The following MCUB variants were observed in gnomAD, a reference collection of about 807,000 sequenced individuals.
MCUB encodes the protein mitochondrial calcium uniporter dominant negative subunit beta.
Under a neutral mutation model 41.4 loss-of-function variants are expected in MCUB, and 46 were observed. The ratio of observed to expected loss-of-function variants is 1.11; its 90% CI spans 0.88 to 1.42. The LOEUF (loss-of-function observed/expected upper bound fraction) is 1.42. Ranked by LOEUF, MCUB falls within the 40% of genes most tolerant of loss-of-function variation. The pLI, the probability that MCUB is intolerant of heterozygous loss-of-function variation, is 0.00. For missense variants in MCUB, 403 were observed against 404.9 expected, an observed-to-expected ratio of 1.00 and a Z score of 0.04; for synonymous variants, 148 against 148.2, an observed-to-expected ratio of 1.00 and a Z score of 0.01.
At chr4:109,583,266 A>C (rs907100342) in intron 1 of MCUB, among the ~76,000 whole-genome samples, 1 of 152,144 alleles carries the variant, frequency 6.6e-6, no homozygotes, top group Non-Finnish European at 1.5e-5. Flanking sequence ...TTGTCCTTGA[A>C]GAGGTCCTTC....
intron 1 of MCUB, among the ~76,000 whole-genome samples, chr4:109,620,596 TTA>T (rs1728231240): frequency 6.6e-6 from 1 of 151,558 alleles, no homozygotes; most frequent in Non-Finnish European, 1.5e-5. Flanking sequence ...AATGTATAAA[TTA>T]GCATTCAATT....
chr4:109,605,793 G>T (rs1016673807), intron 1 of MCUB, among the ~76,000 whole-genome samples: 5 of 152,012 alleles, frequency 3.3e-5, no homozygotes, highest in African/African-American at 1.2e-4. Flanking sequence ...TGACCTTCTT[G>T]TCTCTTATAG....
intron 1 of MCUB, among the ~76,000 whole-genome samples, chr4:109,585,196 A>G (rs2126127482): frequency 6.6e-6 from 1 of 152,300 alleles, no homozygotes; most frequent in South Asian, 2.1e-4. Flanking sequence ...CTTTACCATT[A>G]GGCAATGGCC....
intron 1 of MCUB, among the ~76,000 whole-genome samples, chr4:109,633,605 C>G (rs896988916): frequency 7.2e-5 from 11 of 152,194 alleles, no homozygotes; most frequent in Admixed American, 4.6e-4. Context: ...AAGTACATCA[C>G]TAAATATGCC....
intron 1 of MCUB, among the ~76,000 whole-genome samples, chr4:109,637,681 A>G (rs950326468): frequency 1.3e-5 from 2 of 152,226 alleles, no homozygotes; most frequent in African/African-American, 2.4e-5. Context: ...GTTCTCATTC[A>G]TAAGTGGGAG....
chr4:109,673,788 C>T (rs1729511028), intron 4 of MCUB: 1 of 627,224 alleles, frequency 1.6e-6, no homozygotes, highest in East Asian at 2.6e-5. Flanking sequence ...AGATCAGAAG[C>T]CGGTTGGCGG....
intron 1 of MCUB, among the ~76,000 whole-genome samples, chr4:109,575,765 T>A (rs1561213795): frequency 6.6e-6 from 1 of 152,198 alleles, no homozygotes; most frequent in Non-Finnish European, 1.5e-5. Flanking sequence ...CTATTAGACA[T>A]TAGAAAAAGG....
At chr4:109,585,738 G>T (rs1372654508) in intron 1 of MCUB, among the ~76,000 whole-genome samples, 1 of 152,130 alleles carries the variant, frequency 6.6e-6, no homozygotes, top group Non-Finnish European at 1.5e-5. Context: ...GAAATTCTGG[G>T]TTCAAAATTC....
intron 1 of MCUB, among the ~76,000 whole-genome samples, chr4:109,580,243 T>G (rs1365661744): frequency 6.6e-6 from 1 of 152,202 alleles, no homozygotes; most frequent in Admixed American, 6.5e-5. Context: ...TATTCCATGG[T>G]GTATATGTGC....
intron 1 of MCUB, among the ~76,000 whole-genome samples, chr4:109,628,561 A>G (rs1350261523): frequency 6.6e-6 from 1 of 152,210 alleles, no homozygotes; most frequent in East Asian, 1.9e-4. Flanking sequence ...CAGTGGAAAT[A>G]AGAACAAATT....
At chr4:109,592,525 C>T (rs1292713061) in intron 1 of MCUB, among the ~76,000 whole-genome samples, 2 of 152,110 alleles carry the variant, frequency 1.3e-5, no homozygotes, top group African/African-American at 4.8e-5. Flanking sequence ...ACTCCAGTGC[C>T]ACACTTAAGG....
intron 5 of MCUB, among the ~76,000 whole-genome samples, chr4:109,684,123 A>T (rs1292244019): frequency 6.9e-6 from 1 of 144,154 alleles, no homozygotes. Context: ...AGTGCAGTGG[A>T]GTGATCTTGG....
rs116364887 is a variant in MCUB at position 109,651,945 on chromosome 4, C to T, written c.100-7066C>T. On this transcript the variant is annotated intron_variant, in intron 1 of 7. Coordinates refer to ENST00000394650, the MANE Select transcript of MCUB (RefSeq NM_017918.5). ...TGGGCTATGACACCCACACTAATTG[C>T]GCCTCCACTGTTTAGAAACCTTCCT... 3.4e-3 allele frequency among the ~76,000 whole-genome samples: 518 copies of T among 152,278 alleles called. 12 individuals are homozygous for T. The East Asian group carries it at 0.068, about 20-fold the overall frequency.
chr4:109,583,077 T>G (rs1173365283), intron 1 of MCUB, among the ~76,000 whole-genome samples: 5 of 152,202 alleles, frequency 3.3e-5, no homozygotes, highest in African/African-American at 1.2e-4. Context: ...AACTTTAAAG[T>G]AGTTTTTTCC....
At chr4:109,578,666 A>T (rs1166236032) in intron 1 of MCUB, among the ~76,000 whole-genome samples, 1 of 151,884 alleles carries the variant, frequency 6.6e-6, no homozygotes, top group East Asian at 1.9e-4. Flanking sequence ...TGCCTGGCCA[A>T]TTTTTCTTTT....
At chr4:109,571,232 A>T (rs1726906975) in intron 1 of MCUB, among the ~76,000 whole-genome samples, 1 of 152,150 alleles carries the variant, frequency 6.6e-6, no homozygotes, top group African/African-American at 2.4e-5. Flanking sequence ...TTTTTTTAAG[A>T]AACGAATTTT....
intron 1 of MCUB, among the ~76,000 whole-genome samples, chr4:109,651,902 G>A (rs1398932965): frequency 6.6e-6 from 1 of 152,152 alleles, no homozygotes; most frequent in Non-Finnish European, 1.5e-5. Context: ...CCCATGTGGA[G>A]GCCGTCTTCA....
At position 109,632,517 on chromosome 4, in the gene MCUB, C is replaced by A. The variant is rs896976599; in HGVS notation, c.100-26494C>A. Among the ~76,000 whole-genome samples, 4 of 152,144 alleles carry A rather than the reference C, an allele frequency of 2.6e-5. No individual in the cohort carries two copies. The East Asian group carries it at 7.7e-4, about 29-fold the overall frequency. On this transcript the variant is annotated intron_variant, in intron 1 of 7. Transcript: ENST00000394650. The stretch of plus-strand genomic sequence containing the variant: ...TTGGGAGCAGATTACCTAGGCGGTA[C>A]CAGCTCAGTGTCTCGAATGAGATTG...
At chr4:109,614,739 C>T (rs1394703393) in intron 1 of MCUB, among the ~76,000 whole-genome samples, 2 of 151,546 alleles carry the variant, frequency 1.3e-5, no homozygotes, top group African/African-American at 4.9e-5. Flanking sequence ...TCCTGATGTC[C>T]TGCCCTGTGG....
Sources: allele counts gnomAD v4.1 joint callset (sites outside exome capture counted in the v4.1 genomes callset), GRCh38; gene constraint gnomAD v4.1.1; transcripts MANE v1.5; gene names NCBI Gene and HGNC (gene_info 2026-07-23, HGNC 2026-07-21).